Variants in AFF2 observed in about 807,000 individuals in gnomAD.
The protein encoded by AFF2 is ALF transcription elongation factor 2, also known as AF4/FMR2 family member 2.
AFF2 carries 14 observed loss-of-function variants against 76.9 expected under a neutral mutation model. The observed-to-expected ratio is 0.18, with a 90% CI of 0.12 to 0.28. AFF2 has a LOEUF of 0.28. Ranked by LOEUF, AFF2 falls within the 10% of genes least tolerant of loss-of-function variation. The pLI, the probability that AFF2 is intolerant of heterozygous loss-of-function variation, is 1.00. For synonymous variants in AFF2, 398 were observed against 366.7 expected, an observed-to-expected ratio of 1.09 and a Z score of -0.98; for missense variants, 868 against 1,001.1, an observed-to-expected ratio of 0.87 and a Z score of 1.79.
At chrX:148,619,073 T>A (rs1168901556) in intron 1 of AFF2, among the ~76,000 whole-genome samples, 3 of 111,449 alleles carry the variant, frequency 2.7e-5, no homozygotes, top group Non-Finnish European at 3.8e-5. Flanking sequence ...CTCAGCTTCT[T>A]ATATTCTATT....
At chrX:148,870,363 AC>A (rs2070958897) in intron 7 of AFF2, among the ~76,000 whole-genome samples, 1 of 112,649 alleles carries the variant, frequency 8.9e-6, no homozygotes. Flanking sequence ...AAACAGATTT[AC>A]TTTTTTATGT....
At chrX:148,719,266 A>G (rs782805821) in intron 3 of AFF2, 783 of 1,060,122 alleles carry the variant, frequency 7.4e-4, no homozygotes, top group Non-Finnish European at 9.3e-4. Context: ...AAGGTCTACA[A>G]TCAGCCAAAG....
intron 3 of AFF2, among the ~76,000 whole-genome samples, chrX:148,805,743 A>G (rs886942437): frequency 1.1e-4 from 12 of 112,737 alleles, no homozygotes; most frequent in Admixed American, 9.3e-5. Flanking sequence ...CTGTGGCTAC[A>G]TGGGGTGGCA....
At chrX:148,877,307 A>C (rs1393123518) in intron 7 of AFF2, among the ~76,000 whole-genome samples, 1 of 111,866 alleles carries the variant, frequency 8.9e-6, no homozygotes, top group African/African-American at 3.3e-5. Context: ...CATCTGCTGG[A>C]ATGCTCACAG....
chrX:148,639,267 G>T (rs781886924), intron 1 of AFF2, among the ~76,000 whole-genome samples: 1 of 111,927 alleles, frequency 8.9e-6, no homozygotes, highest in East Asian at 2.8e-4. Context: ...TAAAAATCCC[G>T]GTATGCCCCA....
chrX:148,750,741 A>G (rs1030435712), intron 3 of AFF2, among the ~76,000 whole-genome samples: 3 of 112,199 alleles, frequency 2.7e-5, no homozygotes, highest in African/African-American at 9.7e-5. Context: ...ATAGGGTTAA[A>G]TAGTTCTTGC....
intron 1 of AFF2, among the ~76,000 whole-genome samples, chrX:148,574,470 G>A (rs1277436473): frequency 2.7e-5 from 3 of 111,377 alleles, no homozygotes; most frequent in African/African-American, 9.8e-5. Context: ...CCACAGCTCT[G>A]GGTTTGGTTG....
chrX:148,993,750 C>G lies in AFF2; in HGVS notation c.*2418C>G, dbSNP rs1463166413. On this transcript the variant is annotated 3_prime_UTR_variant, in exon 21 of 21. Coordinates refer to ENST00000370460, the MANE Select transcript of AFF2 (RefSeq NM_002025.4). ...TGTGCCAAGTCTGCAGCACAGTGAC[C>G]AAATCTGACAATCGAGCTCTGGATC... 8.9e-6 allele frequency: 1 copy of G among 111,907 alleles called. No individual in the cohort carries two copies. The highest frequency in any genetic ancestry group is 3.3e-5 in the African/African-American group (1 of 30,752). The allele number at this position is 111,907 out of a possible 1,213,427, so 9.2% of individuals were successfully genotyped here.
chrX:148,871,022 A>G (rs1267796012), intron 7 of AFF2, among the ~76,000 whole-genome samples: 3 of 110,743 alleles, frequency 2.7e-5, no homozygotes, highest in Non-Finnish European at 5.7e-5. Flanking sequence ...ATAATTGGAA[A>G]CAGTGTCACT....
At chrX:148,543,981 C>G (rs1411889028) in intron 1 of AFF2, among the ~76,000 whole-genome samples, 2 of 111,981 alleles carry the variant, frequency 1.8e-5, no homozygotes, top group Non-Finnish European at 3.8e-5. Flanking sequence ...AGCTAATTAC[C>G]TCCCCTGGGA....
intron 1 of AFF2, among the ~76,000 whole-genome samples, chrX:148,514,107 G>T (rs73249419): frequency 0.06 from 6,704 of 111,555 alleles, 249 homozygotes; most frequent in Middle Eastern, 0.13. Context: ...TATAGAAATG[G>T]TCCAGGTTCT....
In AFF2 at chrX:148,726,488, G is replaced by A. The variant is rs2055156820; in HGVS notation, c.1041+63720G>A. On this transcript the variant is annotated intron_variant, in intron 3 of 20. Coordinates refer to ENST00000370460, the MANE Select transcript of AFF2 (RefSeq NM_002025.4). ...AACCTTATAAAAAAGCCTTTCTAAGGAGAGCAGTCTCAGGCCTGCCACTTT... is the reference window on the plus strand; with the variant it reads ...AACCTTATAAAAAAGCCTTTCTAAGAAGAGCAGTCTCAGGCCTGCCACTTT... Among the ~76,000 whole-genome samples, 3 of 111,907 alleles carry A rather than the reference G, an allele frequency of 2.7e-5. No homozygotes were observed. The Admixed American group carries it at 2.8e-4, about 11-fold the overall frequency.
chrX:148,868,919 T>TG (rs1557277082), intron 7 of AFF2, among the ~76,000 whole-genome samples: 1 of 112,458 alleles, frequency 8.9e-6, no homozygotes, highest in Non-Finnish European at 1.9e-5. Context: ...AGAGCCCTCA[T>TG]GGCCTAGTCA....
Position 148,752,935 on chromosome X carries a change from C to T in AFF2, c.1042-56941C>T, listed in dbSNP as rs16994701. On this transcript the variant is annotated intron_variant, in intron 3 of 20. Coordinates refer to ENST00000370460, the MANE Select transcript of AFF2 (RefSeq NM_002025.4). ...TTCTTAAAACTGTACACTTTCGCAA[C>T]ATTAAAACTCAATCTTTTCTCCCAG... Among the ~76,000 whole-genome samples, 833 of 111,652 alleles carry T rather than the reference C, an allele frequency of 7.5e-3. 7 individuals carry two copies. The highest frequency in any genetic ancestry group is 0.026 in the African/African-American group (793 of 30,732).
chrX:148,846,967 C>A (rs1557274814), intron 7 of AFF2, among the ~76,000 whole-genome samples: 1 of 111,404 alleles, frequency 9.0e-6, no homozygotes, highest in Non-Finnish European at 1.9e-5. Context: ...GTGGCAGGAT[C>A]TCGGCTCACT....
Position 148,892,807 on chromosome X carries a change from G to A in AFF2, c.1359+6822G>A, listed in dbSNP as rs782148923. On this transcript the variant is annotated intron_variant, in intron 8 of 20. Transcript: ENST00000370460. ...TATTTTGTAGCCACAGTTCTCCCTC[G>A]TCATACTGAACAAGTTGTTACCTCC... Among the ~76,000 whole-genome samples, 7 of 111,361 alleles carry A rather than the reference G, an allele frequency of 6.3e-5. No homozygotes were observed. In the East Asian group the frequency reaches 2.0e-3, roughly 32 times the overall value.
At chrX:148,660,749 A>G in intron 2 of AFF2, among the ~76,000 whole-genome samples, 1 of 112,133 alleles carries the variant, frequency 8.9e-6, no homozygotes, top group East Asian at 2.8e-4. Flanking sequence ...CTATCATTGC[A>G]ACATCTTGGG....
At chrX:148,966,501 C>T (rs983415656) in intron 13 of AFF2, among the ~76,000 whole-genome samples, 1 of 109,508 alleles carries the variant, frequency 9.1e-6, no homozygotes, top group African/African-American at 3.3e-5. Context: ...TCACATTTAT[C>T]ACTAGATTTA....
chrX:148,681,619 AAG>A (rs1439308814), intron 3 of AFF2, among the ~76,000 whole-genome samples: 8 of 105,652 alleles, frequency 7.6e-5, no homozygotes, highest in Non-Finnish European at 1.5e-4. Flanking sequence ...AGAAGAAAGA[AAG>A]AAAGAAAGAA....
Sources: gnomAD v4.1 joint callset for allele counts (sites outside exome capture counted in the v4.1 genomes callset) on GRCh38, gnomAD v4.1.1 for gene constraint, MANE v1.5 for transcripts, NCBI Gene and HGNC (gene_info 2026-07-23, HGNC 2026-07-21) for gene names.